Variants in GDF10 observed in about 807,000 individuals in gnomAD.
GDF10 encodes growth/differentiation factor 10.
Under a neutral mutation model 32.1 loss-of-function variants are expected in GDF10, and 23 were observed. The observed-to-expected ratio is 0.72, with a 90% CI of 0.52 to 1.02. The LOEUF (loss-of-function observed/expected upper bound fraction) is 1.02, where lower values mean the gene tolerates loss of function less well. GDF10 is among the 50% of genes least tolerant of loss of function. GDF10 has a pLI of 0.00. For synonymous variants in GDF10, 328 were observed against 303.1 expected (o/e 1.08, Z -0.85); for missense variants, 764 against 673.9 (o/e 1.13, Z -1.48).
chr10:47,302,151 T>C (rs2061007005), intron 1 of GDF10, among the ~76,000 whole-genome samples: 1 of 152,250 alleles, frequency 6.6e-6, no homozygotes. Context: ...CGTTATTAAA[T>C]TAAACCATTT....
intron 1 of GDF10, among the ~76,000 whole-genome samples, chr10:47,308,158 G>C (rs112875993): frequency 1.3e-5 from 2 of 152,308 alleles, no homozygotes; most frequent in Non-Finnish European, 2.9e-5. Flanking sequence ...CGCTACCACC[G>C]GAGTGAGCTA....
rs2061002637 is a variant in GDF10, at chr10:47,300,933, A to C, written c.282A>C (p.Gly94=). The part of the protein sequence containing the change: ...EKYSRQGARP[G]GGNTVRSFRA... ...ACAGCCGGCAGGGCGCGCGGCCGGG[A>C]GGGGGCAACACGGTCCGCAGCTTCA... The change falls in exon 1 of 3, where the codon GGA becomes GGC. Residue 94 remains glycine (G), a synonymous_variant. Coordinates refer to ENST00000580279, the MANE Select transcript of GDF10 (RefSeq NM_004962.5). 2 of 1,543,176 alleles carry C rather than the reference A, an allele frequency of 1.3e-6. No homozygotes were observed.
intron 2 of GDF10, 75 bp downstream of exon 2, chr10:47,310,796 G>T (rs1555207707): frequency 2.0e-6 from 2 of 1,005,658 alleles, no homozygotes; most frequent in East Asian, 2.4e-5. Context: ...CAGCCTGCAG[G>T]ACTTCTGTTT....
chr10:47,305,481 T>G (rs942969489), intron 1 of GDF10, among the ~76,000 whole-genome samples: 2 of 152,212 alleles, frequency 1.3e-5, no homozygotes, highest in African/African-American at 2.4e-5. Flanking sequence ...AAATCTGTGT[T>G]AGTTCCCTGC....
intron 1 of GDF10, among the ~76,000 whole-genome samples, chr10:47,308,114 C>T (rs2132224073): frequency 6.6e-6 from 1 of 152,304 alleles, no homozygotes; most frequent in Non-Finnish European, 1.5e-5. Flanking sequence ...TCACCCCATC[C>T]ATCGGTCAAC....
intron 1 of GDF10, among the ~76,000 whole-genome samples, chr10:47,304,241 A>G (rs911147117): frequency 3.9e-5 from 6 of 152,134 alleles, no homozygotes; most frequent in Non-Finnish European, 8.8e-5. Flanking sequence ...GAGACGGACA[A>G]ATAGGTTGCA....
At chr10:47,301,281 T>A (rs2061004002) in intron 1 of GDF10, among the ~76,000 whole-genome samples, 1 of 152,140 alleles carries the variant, frequency 6.6e-6, no homozygotes, top group Admixed American at 6.5e-5. Flanking sequence ...CAGGGGAGTA[T>A]CCCTGTCATA....
At chr10:47,310,899 GT>G in intron 2 of GDF10, 178 bp downstream of exon 2, 1 of 591,958 alleles carries the variant, frequency 1.7e-6, no homozygotes. Flanking sequence ...CCGTAGGGTA[GT>G]TGCCGCCCAC....
At chr10:47,304,212 G>A (rs2061014407) in intron 1 of GDF10, among the ~76,000 whole-genome samples, 1 of 152,148 alleles carries the variant, frequency 6.6e-6, no homozygotes, top group Non-Finnish European at 1.5e-5. Context: ...ATAACGCAAG[G>A]AGAGAAAGGC....
intron 1 of GDF10, among the ~76,000 whole-genome samples, chr10:47,304,974 G>A (rs1588843026): frequency 2.6e-5 from 4 of 151,760 alleles, no homozygotes; most frequent in Admixed American, 2.6e-4. Flanking sequence ...TGCGATGTAA[G>A]AGGGAACAAA....
Position 47,310,229 on chromosome 10 carries a change from G to A in GDF10, c.753G>A (p.Leu251=), listed in dbSNP as rs782027498. Reference sequence around the variant, plus strand: ...ACATCCTAGTCTATGCCAACGATCTGGCCATCTCGGAGCCCAACAGCGTGG... The same window carrying A: ...ACATCCTAGTCTATGCCAACGATCTAGCCATCTCGGAGCCCAACAGCGTGG... ...APYILVYAND[L]AISEPNSVAV... Residue 251 remains leucine, a synonymous_variant, in exon 2 of 3, where the codon CTG becomes CTA. Coordinates refer to ENST00000580279, the MANE Select transcript of GDF10 (RefSeq NM_004962.5). 1.2e-6 allele frequency: 2 copies of A among 1,610,232 alleles called. No homozygotes were observed. Among genetic ancestry groups the A allele is most frequent in the Admixed American group, 3.4e-5 (2 of 59,620 alleles).
intron 1 of GDF10, among the ~76,000 whole-genome samples, chr10:47,301,889 G>A (rs1287061471): frequency 6.6e-6 from 1 of 152,224 alleles, no homozygotes; most frequent in Admixed American, 6.5e-5. Context: ...TCCTGAGGGA[G>A]AGGGAAACAA....
chr10:47,301,709 G>T (rs1237871920), intron 1 of GDF10, among the ~76,000 whole-genome samples: 1 of 152,226 alleles, frequency 6.6e-6, no homozygotes, highest in East Asian at 1.9e-4. Context: ...GCCCTGGGTA[G>T]AGAGGAGGTG....
Position 47,300,961 on chromosome 10 carries a change from GCCAGGC to G in GDF10, c.311_316del (p.Ala104_Leu106delinsVal). 6.7e-7 allele frequency: 1 copy of G among 1,490,864 alleles called. No homozygotes were observed. The highest frequency in any genetic ancestry group is 8.9e-7 in the Non-Finnish European group (1 of 1,126,810). The allele number at this position is 1,490,864 out of a possible 1,614,324, so 92.4% of individuals were successfully genotyped here. Reference sequence around the variant, plus strand: ...GGGCAACACGGTCCGCAGCTTCAGGGCCAGGCTGGGTAAGTAGAGGGTGCCCCAGGA... The same window carrying G: ...GGGCAACACGGTCCGCAGCTTCAGGGTGGGTAAGTAGAGGGTGCCCCAGGA... On this transcript the variant is annotated inframe_deletion, in exon 1 of 3. Coordinates refer to ENST00000580279, the MANE Select transcript of GDF10 (RefSeq NM_004962.5).
chr10:47,312,002 A>C (rs544317182), intron 2 of GDF10, among the ~76,000 whole-genome samples: 3 of 152,334 alleles, frequency 2.0e-5, no homozygotes, highest in African/African-American at 4.8e-5. Context: ...TTACTCAGTC[A>C]TTTTAAACCT....
At chr10:47,309,691 C>T in intron 1 of GDF10, 105 bp from the exon 2 acceptor site, 1 of 726,822 alleles carries the variant, frequency 1.4e-6, no homozygotes, top group East Asian at 2.5e-5. Flanking sequence ...GAGGATGGTC[C>T]TGAAAGTGTG....
chr10:47,309,000 G>A (rs1251774194), intron 1 of GDF10, among the ~76,000 whole-genome samples: 1 of 152,218 alleles, frequency 6.6e-6, no homozygotes, highest in Non-Finnish European at 1.5e-5. Flanking sequence ...AAATAGGAAG[G>A]AGTGGCCGGC....
chr10:47,308,679 C>T (rs1278557313), intron 1 of GDF10, among the ~76,000 whole-genome samples: 1 of 152,120 alleles, frequency 6.6e-6, no homozygotes, highest in Non-Finnish European at 1.5e-5. Context: ...CTGCTCCTCT[C>T]CAGACGTTCC....
chr10:47,305,288 C>T (rs139976911), intron 1 of GDF10, among the ~76,000 whole-genome samples: 74 of 152,256 alleles, frequency 4.9e-4, no homozygotes, highest in African/African-American at 1.6e-3. Flanking sequence ...GCTGCTAGTG[C>T]GCTCTGCAGA....
Sources: gnomAD v4.1 joint callset for allele counts (sites outside exome capture counted in the v4.1 genomes callset) on GRCh38, gnomAD v4.1.1 for gene constraint, MANE v1.5 for transcripts, NCBI Gene and HGNC (gene_info 2026-07-23, HGNC 2026-07-21) for gene names.